Variants in MRPL13 observed in about 807,000 individuals in gnomAD.
MRPL13 encodes the protein large ribosomal subunit protein uL13m.
Under a neutral mutation model 29.0 loss-of-function variants are expected in MRPL13, and 33 were observed. The ratio of observed to expected loss-of-function variants is 1.14; its 90% confidence interval spans 0.86 to 1.52. MRPL13 has a LOEUF of 1.52. MRPL13 is among the 40% of genes most tolerant of loss of function. MRPL13 has a pLI of 0.00. For missense variants in MRPL13, 227 were observed against 216.7 expected (o/e 1.05, Z -0.30); for synonymous variants, 77 against 68.4 (o/e 1.13, Z -0.62).
intron 6 of MRPL13, among the ~76,000 whole-genome samples, chr8:120,401,983 C>A (rs1812602808): frequency 6.6e-6 from 1 of 152,128 alleles, no homozygotes; most frequent in African/African-American, 2.4e-5. Flanking sequence ...CAAACCACTG[C>A]TCAAGGAAAT....
intron 5 of MRPL13, among the ~76,000 whole-genome samples, chr8:120,417,036 G>GT (rs1393401979): frequency 8.5e-5 from 13 of 152,090 alleles, no homozygotes; most frequent in Admixed American, 3.9e-4. Flanking sequence ...TCCTTTTATC[G>GT]TAAGTTTCCT....
intron 4 of MRPL13, among the ~76,000 whole-genome samples, chr8:120,423,091 T>C (rs1812892147): frequency 1.3e-5 from 2 of 151,776 alleles, no homozygotes; most frequent in Admixed American, 6.6e-5. Context: ...ATCAACAAAT[T>C]TGTAAAAGAA....
At chr8:120,442,489 AT>A (rs1255543259) in intron 2 of MRPL13, among the ~76,000 whole-genome samples, 1 of 152,202 alleles carries the variant, frequency 6.6e-6, no homozygotes, top group African/African-American at 2.4e-5. Flanking sequence ...AATATCACAT[AT>A]TTTTATATAT....
intron 5 of MRPL13, among the ~76,000 whole-genome samples, chr8:120,417,507 T>C (rs1812818322): frequency 6.6e-6 from 1 of 152,156 alleles, no homozygotes; most frequent in Non-Finnish European, 1.5e-5. Context: ...TTTTCTATCC[T>C]CAGAAAGAAG....
At chr8:120,411,843 AT>A in intron 6 of MRPL13, among the ~76,000 whole-genome samples, 1 of 152,288 alleles carries the variant, frequency 6.6e-6, no homozygotes, top group Middle Eastern at 3.4e-3. Context: ...AAAAATAGCT[AT>A]AGAAAAGCCC....
intron 5 of MRPL13, among the ~76,000 whole-genome samples, chr8:120,416,622 A>G (rs1300092774): frequency 1.3e-5 from 2 of 152,194 alleles, no homozygotes; most frequent in African/African-American, 2.4e-5. Flanking sequence ...TTTTTTTGCA[A>G]CTTTTTACTT....
chr8:120,436,349 CTA>C (rs906124087), intron 2 of MRPL13, among the ~76,000 whole-genome samples: 41 of 152,218 alleles, frequency 2.7e-4, no homozygotes, highest in African/African-American at 9.9e-4. Flanking sequence ...TCTGTTGTCA[CTA>C]TTTTTTATTT....
chr8:120,397,221 G>A (rs1812535001), intron 6 of MRPL13, among the ~76,000 whole-genome samples: 3 of 98,842 alleles, frequency 3.0e-5, no homozygotes, highest in African/African-American at 8.1e-5. Context: ...ACACAGAGCT[G>A]TGCAGAGTCT....
rs565717601 is a variant in MRPL13 at position 120,413,157 on chromosome 8, G to A, written c.515+834C>T. ...TGGTCTTTGCTTCATATTTTCTAGAGATTCTTTCCTAAAGTCACTTATAAA... is the reference window on the plus strand; with the variant it reads ...TGGTCTTTGCTTCATATTTTCTAGAAATTCTTTCCTAAAGTCACTTATAAA... On this transcript the variant is annotated intron_variant, in intron 6 of 6. Transcript: ENST00000306185. Among the ~76,000 whole-genome samples the A allele has an allele frequency of 5.9e-5, 9 of 152,220 alleles. No homozygotes were observed. The South Asian group carries it at 1.9e-3, about 32-fold the overall frequency.
intron 3 of MRPL13, among the ~76,000 whole-genome samples, chr8:120,428,907 A>C (rs887009061): frequency 6.6e-6 from 1 of 151,808 alleles, no homozygotes; most frequent in African/African-American, 2.4e-5. Context: ...TGTTGGTGGG[A>C]GTGTTCAACC....
chr8:120,420,767 T>A (rs1342153598), intron 4 of MRPL13, among the ~76,000 whole-genome samples: 1 of 151,838 alleles, frequency 6.6e-6, no homozygotes, highest in Non-Finnish European at 1.5e-5. Flanking sequence ...AGTAATTATA[T>A]CCTCTGAATA....
At chr8:120,399,436 A>G (rs1200429267) in intron 6 of MRPL13, among the ~76,000 whole-genome samples, 1 of 152,186 alleles carries the variant, frequency 6.6e-6, no homozygotes, top group Non-Finnish European at 1.5e-5. Context: ...TTTTCAGACA[A>G]ACAAATACTG....
chr8:120,401,421 A>G (rs770000489), intron 6 of MRPL13, among the ~76,000 whole-genome samples: 22 of 152,232 alleles, frequency 1.4e-4, no homozygotes, highest in African/African-American at 4.8e-4. Context: ...AGCTCAACAG[A>G]CACAGAAAAA....
At chr8:120,419,703 T>A (rs1473587107) in intron 5 of MRPL13, 149 bp downstream of exon 5, 2 of 447,680 alleles carry the variant, frequency 4.5e-6, no homozygotes, top group Non-Finnish European at 7.8e-6. Flanking sequence ...TCATTTTTTA[T>A]ACATACATAT....
intron 5 of MRPL13, among the ~76,000 whole-genome samples, chr8:120,417,334 C>T (rs1278130845): frequency 6.6e-6 from 1 of 152,114 alleles, no homozygotes; most frequent in Non-Finnish European, 1.5e-5. Flanking sequence ...AAAAGATGCC[C>T]TTTACAAATA....
chr8:120,406,555 A>ATATG (rs369186538), intron 6 of MRPL13, among the ~76,000 whole-genome samples: 1 of 147,088 alleles, frequency 6.8e-6, no homozygotes, highest in East Asian at 2.0e-4. Flanking sequence ...ATATGTGTGC[A>ATATG]TGTGTGTGTG....
intron 4 of MRPL13, 134 bp from the exon 5 acceptor site, chr8:120,420,072 G>A (rs1406603641): frequency 2.6e-5 from 12 of 459,108 alleles, no homozygotes; most frequent in Non-Finnish European, 4.0e-5. Flanking sequence ...GACCTAAGTG[G>A]ATATGTGGAA....
chr8:120,443,675 G>C (rs1813160693), intron 1 of MRPL13, among the ~76,000 whole-genome samples: 1 of 148,176 alleles, frequency 6.7e-6, no homozygotes. Flanking sequence ...TGAGAAGCTT[G>C]TAAGAAAGTA....
chr8:120,428,110 A>G (rs529185427), intron 3 of MRPL13, among the ~76,000 whole-genome samples: 1 of 147,690 alleles, frequency 6.8e-6, no homozygotes, highest in South Asian at 2.3e-4. Flanking sequence ...CAGTAACCAA[A>G]ACAGCATGGT....
Sources: gnomAD v4.1 joint callset for allele counts (sites outside exome capture counted in the v4.1 genomes callset) on GRCh38, gnomAD v4.1.1 for gene constraint, MANE v1.5 for transcripts, NCBI Gene and HGNC (gene_info 2026-07-23, HGNC 2026-07-21) for gene names.